The following GLG1 variants were observed in gnomAD, a reference collection of about 807,000 sequenced individuals.
The protein encoded by GLG1 is Golgi apparatus protein 1.
A neutral mutation model predicts 160.5 loss-of-function variants in GLG1; 38 were observed. That is an observed-to-expected ratio of 0.24 (90% confidence interval 0.18 to 0.31). The LOEUF (loss-of-function observed/expected upper bound fraction) is 0.31. GLG1 is among the 10% of genes least tolerant of loss of function. The probability of loss-of-function intolerance (pLI) is 1.00; values close to 1 mark genes in which losing one functional copy is unlikely to be tolerated. For missense variants in GLG1, 1,373 were observed against 1,505.2 expected (o/e 0.91, Z 1.45); for synonymous variants, 644 against 543.4 (o/e 1.19, Z -2.57).
At chr16:74,545,728 G>A (rs2018027145) in intron 1 of GLG1, among the ~76,000 whole-genome samples, 1 of 152,218 alleles carries the variant, frequency 6.6e-6, no homozygotes, top group South Asian at 2.1e-4. Flanking sequence ...CAACTGCTCA[G>A]ATGCAGACAT....
chr16:74,580,756 C>G (rs1957920892), intron 1 of GLG1, among the ~76,000 whole-genome samples: 1 of 152,138 alleles, frequency 6.6e-6, no homozygotes, highest in Non-Finnish European at 1.5e-5. Flanking sequence ...TGCAGGTCAT[C>G]TATCTGATGA....
intron 3 of GLG1, among the ~76,000 whole-genome samples, chr16:74,506,604 A>AAAAAAAAAAAAAAC (rs1555511216): frequency 6.3e-5 from 9 of 142,942 alleles, no homozygotes; most frequent in South Asian, 2.3e-4. Context: ...AAAAAAAAAA[A>AAAAAAAAAAAAAAC]CTCAAGAGAA....
rs2017802930 is a variant in GLG1 at position 74,540,052 on chromosome 16, TA to T, written c.439-7900del. ...ATATATATTTTATATATATATTATA[TA>T]TATTTTATATATATATATTATATAT... On this transcript the variant is annotated intron_variant, in intron 1 of 25. Transcript: ENST00000422840. Among the ~76,000 whole-genome samples, 3 of 2,586 alleles carry T rather than the reference TA, an allele frequency of 1.2e-3. 1 individual carries two copies. The highest frequency in any genetic ancestry group is 3.0e-3 in the African/African-American group (3 of 1,010). The allele number at this position is 2,586 out of a possible 152,430, so 1.7% of individuals were successfully genotyped here.
Position 74,452,778 on chromosome 16 carries a change from T to C in GLG1, c.*389A>G, listed in dbSNP as rs1327395791. 2 of 992,222 alleles carry C rather than the reference T, an allele frequency of 2.0e-6. No homozygotes were observed. Among genetic ancestry groups the C allele is most frequent in the Admixed American group, 1.2e-4 (2 of 17,270 alleles). The allele number at this position is 992,222 out of a possible 1,614,324, so 61.5% of individuals were successfully genotyped here. A position where few individuals can be genotyped will look rare whatever the true frequency, so the allele number is the denominator to read the frequency against. On this transcript the variant is annotated 3_prime_UTR_variant, in exon 26 of 26. Coordinates refer to ENST00000422840, the MANE Select transcript of GLG1 (RefSeq NM_001145667.2). ...CCAAATCAAGCCTGGAGGAGATGCG[T>C]TACTATATACATTTTTTTCTTTAAA...
chr16:74,493,316 G>T (rs2016070609), intron 6 of GLG1, among the ~76,000 whole-genome samples, 176 bp from the exon 7 acceptor site: 1 of 152,212 alleles, frequency 6.6e-6, no homozygotes, highest in African/African-American at 2.4e-5. Flanking sequence ...AACTAGTGTG[G>T]CATGAGACAG....
intron 1 of GLG1, among the ~76,000 whole-genome samples, chr16:74,542,748 A>AG (rs757162703): frequency 0.19 from 4,427 of 23,286 alleles, 606 homozygotes; most frequent in East Asian, 0.42. Context: ...GAAGGAAGGA[A>AG]GGAAGGAAGG....
intron 2 of GLG1, among the ~76,000 whole-genome samples, chr16:74,524,649 A>G (rs138610937): frequency 6.6e-6 from 1 of 152,294 alleles, no homozygotes; most frequent in East Asian, 1.9e-4. Flanking sequence ...GGGGAAGTAC[A>G]TAAGGATATA....
Position 74,473,520 on chromosome 16 carries a change from A to G in GLG1, c.2052+1026T>C, listed in dbSNP as rs1317301579. On this transcript the variant is annotated intron_variant, in intron 13 of 25. Coordinates refer to ENST00000422840, the MANE Select transcript of GLG1 (RefSeq NM_001145667.2). ...AGTGGCGTGATCTCGGCTCACTGGA[A>G]GCTCCGCCTCCCGGGTTCACGCCAC... Among the ~76,000 whole-genome samples the G allele has an allele frequency of 3.4e-5, 5 of 146,430 alleles. No homozygotes were observed. In the Admixed American group the frequency reaches 3.5e-4, roughly 10 times the overall value.
chr16:74,523,431 G>T (rs1453993284), intron 2 of GLG1, among the ~76,000 whole-genome samples: 2 of 152,142 alleles, frequency 1.3e-5, no homozygotes, highest in Non-Finnish European at 2.9e-5. Flanking sequence ...GCTGTTACAG[G>T]TACTCTGTGT....
At chr16:74,482,270 G>C (rs994928680) in intron 10 of GLG1, among the ~76,000 whole-genome samples, 1 of 152,154 alleles carries the variant, frequency 6.6e-6, no homozygotes. Flanking sequence ...GGGATTATAG[G>C]TGTGAGCCAC....
At chr16:74,536,145 C>T (rs2017681015) in intron 1 of GLG1, among the ~76,000 whole-genome samples, 1 of 152,170 alleles carries the variant, frequency 6.6e-6, no homozygotes, top group Non-Finnish European at 1.5e-5. Flanking sequence ...GATGCAGGTG[C>T]TGATTCGGGT....
chr16:74,542,285 C>A (rs570127806), intron 1 of GLG1, among the ~76,000 whole-genome samples: 2 of 149,626 alleles, frequency 1.3e-5, no homozygotes, highest in African/African-American at 4.9e-5. Flanking sequence ...CTTTTATATT[C>A]TTTCTTTGCC....
chr16:74,542,427 G>T (rs192472527), intron 1 of GLG1, among the ~76,000 whole-genome samples: 1 of 152,004 alleles, frequency 6.6e-6, no homozygotes, highest in Non-Finnish European at 1.5e-5. Context: ...CAGCACTTTC[G>T]GAGGCTGAGG....
intron 2 of GLG1, among the ~76,000 whole-genome samples, chr16:74,531,233 G>A (rs1439448848): frequency 6.6e-6 from 1 of 151,932 alleles, no homozygotes; most frequent in East Asian, 1.9e-4. Context: ...ACAGCCTCCG[G>A]TCCCATCTAC....
chr16:74,500,481 A>C (rs1009147457), intron 4 of GLG1, among the ~76,000 whole-genome samples: 1 of 152,006 alleles, frequency 6.6e-6, no homozygotes, highest in African/African-American at 2.4e-5. Context: ...AAAAAACAAA[A>C]AAAAAAACCA....
chr16:74,472,357 A>G lies in GLG1; in HGVS notation c.2107T>C (p.Phe703Leu). ...MRACEPIIQN[F>L]CHDVADNQID... is the part of the protein sequence containing the mutation. Reference sequence around the variant, plus strand: ...CTCCAGACATCACTTACGTGGCAGAAGTTCTGAATTATGGGCTCACAGGCT... The same window carrying G: ...CTCCAGACATCACTTACGTGGCAGAGGTTCTGAATTATGGGCTCACAGGCT... Residue 703 changes from phenylalanine (F) to leucine (L), a missense_variant, in exon 14 of 26, where the codon TTC (phenylalanine) becomes CTC (leucine). Transcript: ENST00000422840. 6.2e-7 allele frequency: 1 copy of G among 1,610,812 alleles called. No individual in the cohort carries two copies. Among genetic ancestry groups the G allele is most frequent in the Non-Finnish European group, 8.5e-7 (1 of 1,177,074 alleles).
intron 1 of GLG1, among the ~76,000 whole-genome samples, chr16:74,544,881 A>T (rs2143671199): frequency 6.6e-6 from 1 of 152,136 alleles, no homozygotes; most frequent in East Asian, 1.9e-4. Context: ...TGTAATAAAT[A>T]TAATCTATAA....
chr16:74,570,428 T>C (rs2018792182), intron 1 of GLG1, among the ~76,000 whole-genome samples: 1 of 151,820 alleles, frequency 6.6e-6, no homozygotes, highest in Non-Finnish European at 1.5e-5. Context: ...AACTGCTCAA[T>C]AGCAAAAATG....
rs374414523 is a variant in GLG1, at chr16:74,471,194, G to A, written c.2208C>T (p.Ile736=). 1.2e-5 allele frequency: 20 copies of A among 1,605,760 alleles called. No individual in the cohort carries two copies. Among genetic ancestry groups the A allele is most frequent in the African/African-American group, 5.3e-5 (4 of 74,778 alleles). Residue 736 remains isoleucine, a synonymous_variant, in exon 15 of 26, where the codon ATC becomes ATT. Coordinates refer to ENST00000422840, the MANE Select transcript of GLG1 (RefSeq NM_001145667.2). ...TGACCAGCTGGAAGTGGGTAACTCC[G>A]ATGGCACACTTCTCGTTCATGTCCT... is the stretch of plus-strand genomic sequence containing the variant. ...HQKDMNEKCA[I]GVTHFQLVQM...
Sources: allele counts gnomAD v4.1 joint callset (sites outside exome capture counted in the v4.1 genomes callset), GRCh38; gene constraint gnomAD v4.1.1; transcripts MANE v1.5; gene names NCBI Gene and HGNC (gene_info 2026-07-23, HGNC 2026-07-21).